HIVEP2: variants seen among roughly 807,000 people sequenced by gnomAD.
HIVEP2 encodes transcription factor HIVEP2.
A neutral mutation model predicts 180.7 loss-of-function variants in HIVEP2; 14 were observed. That is an observed-to-expected ratio of 0.08 (90% CI 0.05 to 0.12). The LOEUF is 0.12. Ranked by LOEUF, HIVEP2 falls within the 10% of genes least tolerant of loss-of-function variation. The probability of loss-of-function intolerance (pLI) is 1.00; values close to 1 mark genes in which losing one functional copy is unlikely to be tolerated. For missense variants in HIVEP2, 2,579 were observed against 3,008.5 expected, an observed-to-expected ratio of 0.86 and a Z score of 3.34; for synonymous variants, 1,184 against 1,136.4, an observed-to-expected ratio of 1.04 and a Z score of -0.84.
At chr6:142,877,552 A>G (rs763150108) in intron 1 of HIVEP2, among the ~76,000 whole-genome samples, 6 of 152,218 alleles carry the variant, frequency 3.9e-5, no homozygotes, top group Non-Finnish European at 7.3e-5. Flanking sequence ...GTTTACTACC[A>G]AAGTCCAAAT....
chr6:142,940,427 G>A (rs1264424665), intron 1 of HIVEP2, among the ~76,000 whole-genome samples: 1 of 152,186 alleles, frequency 6.6e-6, no homozygotes, highest in African/African-American at 2.4e-5. Context: ...TATGCACAAG[G>A]TTCTTCCAAT....
chr6:142,869,743 A>G (rs1368247994), intron 1 of HIVEP2, among the ~76,000 whole-genome samples: 1 of 152,192 alleles, frequency 6.6e-6, no homozygotes, highest in Non-Finnish European at 1.5e-5. Flanking sequence ...TAACCAGTTA[A>G]ATCAAACTAA....
chr6:142,776,059 G>A (rs999889101), intron 4 of HIVEP2, 88 bp downstream of exon 4: 1 of 152,256 alleles, frequency 6.6e-6, no homozygotes, highest in African/African-American at 2.4e-5. Flanking sequence ...AAAGATAAAA[G>A]GGTGCATCTA....
chr6:142,927,397 T>G lies in HIVEP2; in HGVS notation c.-641+17702A>C, dbSNP rs185547715. On this transcript the variant is annotated intron_variant, in intron 1 of 9. Transcript: ENST00000367603. Reference sequence around the variant, plus strand: ...AAGTGTTGTTGCAGTTGTTTTCCCCTCGTTTTCTATCTCCTTTCCAATTGT... The same window carrying G: ...AAGTGTTGTTGCAGTTGTTTTCCCCGCGTTTTCTATCTCCTTTCCAATTGT... Among the ~76,000 whole-genome samples, 251 of 152,314 alleles carry G rather than the reference T, an allele frequency of 1.6e-3. 1 individual carries two copies. Among genetic ancestry groups the G allele is most frequent in the Non-Finnish European group, 2.8e-3 (192 of 68,020 alleles).
intron 1 of HIVEP2, among the ~76,000 whole-genome samples, chr6:142,875,012 C>T (rs373532394): frequency 2.6e-5 from 4 of 152,156 alleles, no homozygotes; most frequent in Admixed American, 1.3e-4. Context: ...GGAGTCCACA[C>T]TGGGGACAGA....
chr6:142,839,165 C>T (rs898799664), intron 1 of HIVEP2, among the ~76,000 whole-genome samples: 2 of 152,110 alleles, frequency 1.3e-5, no homozygotes, highest in African/African-American at 4.8e-5. Flanking sequence ...GCCTCGCGTA[C>T]AAACCACAAT....
intron 1 of HIVEP2, among the ~76,000 whole-genome samples, chr6:142,838,621 G>C (rs182049289): frequency 6.6e-6 from 1 of 152,230 alleles, no homozygotes; most frequent in African/African-American, 2.4e-5. Context: ...TACTTCCCAG[G>C]ATGGTTTCGT....
chr6:142,774,473 G>A lies in HIVEP2; in HGVS notation c.266C>T (p.Pro89Leu), dbSNP rs548333781. 26 of 1,614,084 alleles carry A rather than the reference G, an allele frequency of 1.6e-5. No homozygotes were observed. The highest frequency in any genetic ancestry group is 2.7e-5 in the African/African-American group (2 of 74,998). The change falls in exon 5 of 10, where the codon CCG becomes CTG. Residue 89 changes from proline to leucine, a missense_variant. Transcript: ENST00000367603. The surrounding 1 kb of genome is among the most constrained non-coding windows in gnomAD (Gnocchi z 5.1). ...VAEKQYPPHRPSPYSCQHSLS... is the reference protein window; with the variant it reads ...VAEKQYPPHRLSPYSCQHSLS... ...TGAGTGTTGGCATGAGTAAGGACTC[G>A]GACGATGCGGTGGATATTGCTTCTC...
At chr6:142,834,299 G>T (rs1775169361) in intron 2 of HIVEP2, among the ~76,000 whole-genome samples, 1 of 152,072 alleles carries the variant, frequency 6.6e-6, no homozygotes, top group Non-Finnish European at 1.5e-5. Flanking sequence ...ACAGAACACA[G>T]AATTATGTAT....
rs1239667587 is a variant in HIVEP2, at chr6:142,773,751, T to A, written c.988A>T (p.Ile330Phe). Residue 330 changes from isoleucine to phenylalanine, a missense_variant, in exon 5 of 10, where the codon ATC becomes TTC. Ile to Phe is a conservative substitution (Grantham distance 21, BLOSUM62 0). This residue lies in a region of HIVEP2 where 142 missense variants were observed against 135.2 expected (regional missense o/e 1.05). Transcript: ENST00000367603. ...GGPMKVPILIIPKSGIPLPNE... is the reference protein window; with the variant it reads ...GGPMKVPILIFPKSGIPLPNE... Reference sequence around the variant, plus strand: ...GGGAGAGGAATCCCACTTTTAGGGATAATCAAAATCGGCACCTTCATTGGA... The same window carrying A: ...GGGAGAGGAATCCCACTTTTAGGGAAAATCAAAATCGGCACCTTCATTGGA... 1.2e-6 allele frequency: 2 copies of A among 1,614,068 alleles called. No homozygotes were observed. The highest frequency in any genetic ancestry group is 2.2e-5 in the South Asian group (2 of 91,086).
At chr6:142,763,069 A>C (rs1301897260) in intron 7 of HIVEP2, among the ~76,000 whole-genome samples, 1 of 152,204 alleles carries the variant, frequency 6.6e-6, no homozygotes, top group Non-Finnish European at 1.5e-5. Context: ...GGGATAGTTT[A>C]TTTAGATTTT....
At position 142,769,569 on chromosome 6, in the gene HIVEP2, A is replaced by G. The variant is rs764786665; in HGVS notation, c.5170T>C (p.Trp1724Arg). 6.2e-7 allele frequency: 1 copy of G among 1,613,986 alleles called. No individual in the cohort carries two copies. The highest frequency in any genetic ancestry group is 1.3e-5 in the African/African-American group (1 of 74,920). ...GTGKLTSSSA[W>R]KQFTQMKPDA... ...TTTGTTACCTGAGTAAACTGCTTCC[A>G]AGCACTTGATGATGTAAGCTTGCCG... The change falls in exon 5 of 10, where the codon TGG becomes CGG. Residue 1724 changes from tryptophan to arginine, a missense_variant. Physicochemically the swap from Trp to Arg is moderately radical, Grantham distance 101. This residue lies in a region of HIVEP2 where 349 missense variants were observed against 367.2 expected (regional missense o/e 0.95). Transcript: ENST00000367603.
chr6:142,763,270 G>C (rs1201702747), intron 7 of HIVEP2, among the ~76,000 whole-genome samples: 1 of 152,128 alleles, frequency 6.6e-6, no homozygotes, highest in Non-Finnish European at 1.5e-5. Flanking sequence ...GAGTGGCGGG[G>C]GAGGCCCCTG....
At chr6:142,810,731 C>T (rs891578057) in intron 2 of HIVEP2, among the ~76,000 whole-genome samples, 1 of 144,142 alleles carries the variant, frequency 6.9e-6, no homozygotes, top group Non-Finnish European at 1.5e-5. Flanking sequence ...CACTGCACTA[C>T]CGCCTGGGCA....
rs184173513 is a variant in HIVEP2, at chr6:142,797,683, C to A, written c.-527-14068G>T. Reference sequence around the variant, plus strand: ...ACATATTTTGAGAATGAGAGAGAGACCACACTCACACAACTTGTATTACAA... The same window carrying A: ...ACATATTTTGAGAATGAGAGAGAGAACACACTCACACAACTTGTATTACAA... On this transcript the variant is annotated intron_variant, in intron 2 of 9. Transcript: ENST00000367603. 1.9e-3 allele frequency among the ~76,000 whole-genome samples: 289 copies of A among 152,200 alleles called. 3 individuals carry two copies. Among genetic ancestry groups the A allele is most frequent in the African/African-American group, 6.4e-3 (266 of 41,536 alleles).
chr6:142,834,151 A>G (rs1775164709), intron 2 of HIVEP2, among the ~76,000 whole-genome samples: 1 of 152,194 alleles, frequency 6.6e-6, no homozygotes, highest in Admixed American at 6.5e-5. Flanking sequence ...GAATGAATTA[A>G]AAGGGTTTTC....
At chr6:142,782,407 G>A (rs1367941207) in intron 3 of HIVEP2, among the ~76,000 whole-genome samples, 1 of 152,114 alleles carries the variant, frequency 6.6e-6, no homozygotes, top group African/African-American at 2.4e-5. Context: ...GAGCATATAT[G>A]CTCAGAGAGT....
chr6:142,849,387 C>T (rs1197542064), intron 1 of HIVEP2, among the ~76,000 whole-genome samples: 1 of 152,172 alleles, frequency 6.6e-6, no homozygotes, highest in African/African-American at 2.4e-5. Flanking sequence ...GCCTTAGAAA[C>T]AACTGGGTAG....
chr6:142,774,939 G>A lies in HIVEP2; in HGVS notation c.-201C>T. On this transcript the variant is annotated 5_prime_UTR_variant, in exon 5 of 10. Transcript: ENST00000367603. This position sits in a 1 kb window ranked among gnomAD's most constrained non-coding sequence, Gnocchi z 5.1. The stretch of plus-strand genomic sequence containing the variant: ...TTAGCTAGTAATGTCCTTGGACCAG[G>A]GCTATAACACAGTTCTCTCCATTGT... 9 of 1,424,638 alleles carry A rather than the reference G, an allele frequency of 6.3e-6. No homozygotes were observed. The highest frequency in any genetic ancestry group is 8.2e-6 in the Non-Finnish European group (9 of 1,094,118). The allele number at this position is 1,424,638 out of a possible 1,614,324, so 88.2% of individuals were successfully genotyped here.
Sources: allele counts gnomAD v4.1 joint callset (sites outside exome capture counted in the v4.1 genomes callset), GRCh38; gene constraint gnomAD v4.1.1; regional missense constraint gnomAD v4.1.1; non-coding constraint Gnocchi (gnomAD v3.1); transcripts MANE v1.5; gene names NCBI Gene and HGNC (gene_info 2026-07-23, HGNC 2026-07-21).